Variants in TBL1XR1 observed in about 807,000 individuals in gnomAD.
The protein encoded by TBL1XR1 is TBL1X/Y related 1.
In TBL1XR1, 5 loss-of-function variants were observed where a neutral mutation model predicts 66.9. The observed-to-expected ratio is 0.07, with a 90% CI of 0.04 to 0.16. The LOEUF is 0.16. TBL1XR1 is among the 10% of genes least tolerant of loss of function. The probability of loss-of-function intolerance (pLI) is 1.00; values close to 1 mark genes in which losing one functional copy is unlikely to be tolerated. For synonymous variants in TBL1XR1, 210 were observed against 206.0 expected (o/e 1.02, Z -0.17); for missense variants, 238 against 623.2 (o/e 0.38, Z 6.58).
chr3:177,155,522 A>T (rs1731384513), intron 1 of TBL1XR1, among the ~76,000 whole-genome samples: 1 of 152,222 alleles, frequency 6.6e-6, no homozygotes, highest in Non-Finnish European at 1.5e-5. Context: ...AGGTGTATGA[A>T]TTTAAAAGAA....
chr3:177,069,128 TCAGA>T (rs372688057), intron 2 of TBL1XR1, among the ~76,000 whole-genome samples: 96 of 152,318 alleles, frequency 6.3e-4, no homozygotes, highest in African/African-American at 2.2e-3. Context: ...GAAAATGGAA[TCAGA>T]CAGTCTCCTC....
chr3:177,042,395 A>C (rs770151794), intron 10 of TBL1XR1, among the ~76,000 whole-genome samples: 19 of 152,310 alleles, frequency 1.2e-4, no homozygotes, highest in Admixed American at 7.8e-4. Flanking sequence ...TAAAATAAAC[A>C]AAAAGTAGCA....
chr3:177,075,604 G>A (rs1720603210), intron 2 of TBL1XR1, among the ~76,000 whole-genome samples: 2 of 152,156 alleles, frequency 1.3e-5, no homozygotes, highest in African/African-American at 4.8e-5. Flanking sequence ...AAAAGTAACA[G>A]ATTTGAAGGT....
chr3:177,120,347 T>C (rs1726840870), intron 1 of TBL1XR1, among the ~76,000 whole-genome samples: 1 of 152,146 alleles, frequency 6.6e-6, no homozygotes, highest in South Asian at 2.1e-4. Flanking sequence ...GCTGATAACA[T>C]ACCAGTCATT....
intron 1 of TBL1XR1, among the ~76,000 whole-genome samples, chr3:177,183,118 A>G (rs1453880467): frequency 6.6e-6 from 1 of 152,192 alleles, no homozygotes; most frequent in Admixed American, 6.5e-5. Context: ...TAGCACCAAT[A>G]AATGTAACTC....
intron 1 of TBL1XR1, among the ~76,000 whole-genome samples, chr3:177,125,700 C>T (rs61372780): frequency 0.013 from 1,961 of 152,082 alleles, 45 homozygotes; most frequent in African/African-American, 0.045. Flanking sequence ...ACTTGACGTG[C>T]CATGGAGAAG....
chr3:177,053,981 G>C (rs1021643905), intron 3 of TBL1XR1, 63 bp from the exon 4 acceptor site: 1 of 1,499,018 alleles, frequency 6.7e-7, no homozygotes, highest in East Asian at 2.3e-5. Flanking sequence ...AAATGACACA[G>C]AAAGAAAGAT....
intron 14 of TBL1XR1, chr3:177,026,903 G>C (rs1438512420): frequency 1.3e-5 from 2 of 155,598 alleles, no homozygotes; most frequent in Non-Finnish European, 2.8e-5. Flanking sequence ...TAACAAACTA[G>C]TAAAGATAAT....
intron 4 of TBL1XR1, among the ~76,000 whole-genome samples, chr3:177,051,983 A>G (rs1717151905): frequency 6.6e-6 from 1 of 152,180 alleles, no homozygotes; most frequent in Non-Finnish European, 1.5e-5. Context: ...GCTGAAATGA[A>G]AGAGATAATA....
chr3:177,037,771 C>CCCA, intron 12 of TBL1XR1: 1 of 124,352 alleles, frequency 8.0e-6, no homozygotes, highest in African/African-American at 4.4e-5. Flanking sequence ...CAGTAAATCT[C>CCCA]TCATCCATCC....
intron 1 of TBL1XR1, among the ~76,000 whole-genome samples, chr3:177,152,531 C>G (rs1731021235): frequency 1.3e-5 from 2 of 152,206 alleles, no homozygotes; most frequent in Admixed American, 1.3e-4. Context: ...GTGATCTGCC[C>G]GCCTCGGCCT....
chr3:177,157,002 A>C (rs1374144530), intron 1 of TBL1XR1, among the ~76,000 whole-genome samples: 6 of 152,236 alleles, frequency 3.9e-5, no homozygotes, highest in Admixed American at 2.6e-4. Context: ...GTAAGTTACA[A>C]GTCTGACACA....
At chr3:177,126,292 G>GCCAA (rs1727623371) in intron 1 of TBL1XR1, among the ~76,000 whole-genome samples, 1 of 152,174 alleles carries the variant, frequency 6.6e-6, no homozygotes. Context: ...TGTTGATGCT[G>GCCAA]CCAAGGATCA....
intron 1 of TBL1XR1, among the ~76,000 whole-genome samples, chr3:177,111,586 C>T (rs1163192197): frequency 6.6e-6 from 1 of 151,994 alleles, no homozygotes; most frequent in African/African-American, 2.4e-5. Flanking sequence ...AGGCTTCAGC[C>T]ACTGCGCCAG....
chr3:177,090,570 C>G (rs752674729), intron 2 of TBL1XR1, among the ~76,000 whole-genome samples: 7 of 147,904 alleles, frequency 4.7e-5, no homozygotes, highest in Non-Finnish European at 8.9e-5. Context: ...CATCCGTAAT[C>G]AAGACACTTT....
intron 1 of TBL1XR1, among the ~76,000 whole-genome samples, chr3:177,167,562 A>G (rs187222741): frequency 1.0e-3 from 157 of 152,322 alleles, no homozygotes; most frequent in Non-Finnish European, 5.3e-4. Flanking sequence ...AACTGGGGAC[A>G]CGAGGCAGAG....
chr3:177,132,958 T>C (rs982525315), intron 1 of TBL1XR1, among the ~76,000 whole-genome samples: 1 of 152,162 alleles, frequency 6.6e-6, no homozygotes, highest in South Asian at 2.1e-4. Flanking sequence ...GAATGAATGC[T>C]CTGAGATAAA....
At chr3:177,028,383 T>C (rs747162567) in intron 14 of TBL1XR1, among the ~76,000 whole-genome samples, 4 of 152,370 alleles carry the variant, frequency 2.6e-5, no homozygotes, top group Admixed American at 6.5e-5. Flanking sequence ...TGTAGTATCT[T>C]CCATTAGCAC....
Position 177,038,294 on chromosome 3 carries a change from T to TG in TBL1XR1, c.1047+18dup. ...CTTGTTAATCATGACCACTTTAATG[T>TG]GGAAAAAAGGTTTCTTACCGTATGT... On this transcript the variant is annotated intron_variant, in intron 11 of 15. Transcript: ENST00000457928. The TG allele has an allele frequency of 6.3e-7, 1 of 1,592,726 alleles. No homozygotes were observed. The highest frequency in any genetic ancestry group is 8.6e-7 in the Non-Finnish European group (1 of 1,168,954).
Sources: allele counts gnomAD v4.1 joint callset (sites outside exome capture counted in the v4.1 genomes callset), GRCh38; gene constraint gnomAD v4.1.1; transcripts MANE v1.5; gene names NCBI Gene and HGNC (gene_info 2026-07-23, HGNC 2026-07-21).